Variants in LANCL2 observed in about 807,000 individuals in gnomAD.
The protein encoded by LANCL2 is LanC like glutathione S-transferase 2.
LANCL2 carries 33 observed loss-of-function variants against 56.9 expected under a neutral mutation model. The ratio of observed to expected loss-of-function variants is 0.58; its 90% CI spans 0.44 to 0.78. The LOEUF (loss-of-function observed/expected upper bound fraction) is 0.78, where lower values mean the gene tolerates loss of function less well. Ranked by LOEUF, LANCL2 falls within the 30% of genes least tolerant of loss-of-function variation. LANCL2 has a pLI of 0.00. For synonymous variants in LANCL2, 233 were observed against 228.2 expected, an observed-to-expected ratio of 1.02 and a Z score of -0.19; for missense variants, 562 against 580.2, an observed-to-expected ratio of 0.97 and a Z score of 0.32.
At chr7:55,419,883 G>A (rs1398605945) in intron 6 of LANCL2, among the ~76,000 whole-genome samples, 1 of 151,924 alleles carries the variant, frequency 6.6e-6, no homozygotes, top group Non-Finnish European at 1.5e-5. Flanking sequence ...TCTGGGCCCA[G>A]TGGCTCACTT....
At chr7:55,379,243 T>C (rs1790038184) in intron 1 of LANCL2, among the ~76,000 whole-genome samples, 1 of 152,244 alleles carries the variant, frequency 6.6e-6, no homozygotes, top group Non-Finnish European at 1.5e-5. Context: ...ATGATAGAGC[T>C]AAGACGGCAT....
chr7:55,399,157 C>T (rs1790290654), intron 3 of LANCL2, among the ~76,000 whole-genome samples: 1 of 151,940 alleles, frequency 6.6e-6, no homozygotes, highest in Non-Finnish European at 1.5e-5. Context: ...CTTGTAGTTC[C>T]ATTAACTTGG....
chr7:55,381,739 C>CATGG (rs1790071556), intron 1 of LANCL2, among the ~76,000 whole-genome samples: 1 of 152,218 alleles, frequency 6.6e-6, no homozygotes, highest in South Asian at 2.1e-4. Flanking sequence ...TTCATATATA[C>CATGG]ATGGGACGTA....
intron 6 of LANCL2, among the ~76,000 whole-genome samples, chr7:55,419,844 C>A (rs1790589915): frequency 6.6e-6 from 1 of 151,958 alleles, no homozygotes; most frequent in Admixed American, 6.6e-5. Context: ...GATTTTTCTT[C>A]TTTTCTTTTT....
intron 1 of LANCL2, among the ~76,000 whole-genome samples, chr7:55,377,033 C>T (rs937232088): frequency 1.3e-5 from 2 of 152,096 alleles, no homozygotes; most frequent in African/African-American, 2.4e-5. Context: ...ATTATGTTTG[C>T]TACGCTTCAT....
chr7:55,427,309 G>C (rs917482213), intron 7 of LANCL2, among the ~76,000 whole-genome samples: 1 of 152,164 alleles, frequency 6.6e-6, no homozygotes, highest in African/African-American at 2.4e-5. Flanking sequence ...TAATCAGCTA[G>C]CACTGGATAC....
chr7:55,403,294 C>G (rs1204460659), intron 5 of LANCL2, among the ~76,000 whole-genome samples: 12 of 152,236 alleles, frequency 7.9e-5, no homozygotes. Flanking sequence ...AATACGAAAA[C>G]CAGTCAGGCA....
chr7:55,373,167 G>A (rs1045031677), intron 1 of LANCL2, among the ~76,000 whole-genome samples: 2 of 151,890 alleles, frequency 1.3e-5, no homozygotes, highest in African/African-American at 4.8e-5. Flanking sequence ...ATTACCAAGG[G>A]CTTACTATAA....
In LANCL2 at chr7:55,391,796, A is replaced by G. The variant is rs1346904403; in HGVS notation, c.208A>G (p.Ile70Val). ...TATCTCTTCTTTTGGATCTCAGATC[A>G]TTCATAATTTCATAAGACGGATCCA... ...GLPFHQDGKI[I>V]HNFIRRIQTK... Residue 70 changes from isoleucine to valine, a missense_variant, in exon 2 of 9, where the codon ATT becomes GTT. Physicochemically the swap from Ile to Val is conservative, Grantham distance 29. Coordinates refer to ENST00000254770, the MANE Select transcript of LANCL2 (RefSeq NM_018697.4). 4 of 1,545,730 alleles carry G rather than the reference A, an allele frequency of 2.6e-6. No homozygotes were observed. The highest frequency in any genetic ancestry group is 4.5e-5 in the East Asian group (2 of 44,478).
intron 6 of LANCL2, among the ~76,000 whole-genome samples, chr7:55,416,986 T>TTTTTG (rs1343238720): frequency 1.3e-4 from 19 of 141,182 alleles, no homozygotes; most frequent in South Asian, 2.4e-4. Flanking sequence ...TTTTTTTTTT[T>TTTTTG]TTTTTTTTTT....
Position 55,431,238 on chromosome 7 carries a change from C to T in LANCL2, c.1271C>T (p.Ala424Val), listed in dbSNP as rs1349105640. The T allele has an allele frequency of 3.1e-6, 5 of 1,613,142 alleles. No individual in the cohort carries two copies. The highest frequency in any genetic ancestry group is 4.2e-6 in the Non-Finnish European group (5 of 1,179,578). Reference sequence around the variant, plus strand: ...TTTTACATTGCAGGCATGGCTGGCGCTATTCACTTTCTCTCTGATGTCCTG... The same window carrying T: ...TTTTACATTGCAGGCATGGCTGGCGTTATTCACTTTCTCTCTGATGTCCTG... ...PYSLFEGMAG[A>V]IHFLSDVLGP... The change falls in exon 9 of 9, where the codon GCT (alanine) becomes GTT (valine). Residue 424 changes from alanine to valine, a missense_variant. Transcript: ENST00000254770.
chr7:55,399,366 G>A (rs1790294241), intron 3 of LANCL2, among the ~76,000 whole-genome samples: 1 of 134,644 alleles, frequency 7.4e-6, no homozygotes, highest in African/African-American at 2.7e-5. Context: ...TTTCTGAGAT[G>A]GAATTTCGCT....
intron 7 of LANCL2, 56 bp from the exon 8 acceptor site, chr7:55,428,319 T>C: frequency 6.8e-7 from 1 of 1,460,840 alleles, no homozygotes. Context: ...TTCTCATTTA[T>C]TGCCTTTTCA....
chr7:55,399,070 C>G (rs909663547), intron 3 of LANCL2, among the ~76,000 whole-genome samples: 1 of 152,066 alleles, frequency 6.6e-6, no homozygotes, highest in Non-Finnish European at 1.5e-5. Context: ...TTCCTAGGGT[C>G]TGGTAGAGTA....
chr7:55,417,060 A>T (rs1229334724), intron 6 of LANCL2, among the ~76,000 whole-genome samples: 1 of 147,042 alleles, frequency 6.8e-6, no homozygotes, highest in East Asian at 2.0e-4. Flanking sequence ...GCTCACTACA[A>T]GCTCCGCCTC....
intron 1 of LANCL2, among the ~76,000 whole-genome samples, chr7:55,376,017 C>T (rs979888376): frequency 1.5e-4 from 23 of 152,190 alleles, no homozygotes; most frequent in Non-Finnish European, 2.9e-4. Context: ...TTTATGGGCT[C>T]ATGGGATTAG....
At chr7:55,384,054 C>G (rs1790098438) in intron 1 of LANCL2, among the ~76,000 whole-genome samples, 1 of 149,652 alleles carries the variant, frequency 6.7e-6, no homozygotes, top group African/African-American at 2.5e-5. Context: ...GAAAATAGAT[C>G]AATAGAAATT....
At chr7:55,390,699 T>G (rs999087697) in intron 1 of LANCL2, among the ~76,000 whole-genome samples, 26 of 151,698 alleles carry the variant, frequency 1.7e-4, no homozygotes, top group Non-Finnish European at 3.2e-4. Flanking sequence ...AAGAATCTCT[T>G]GAACCCAGGA....
chr7:55,409,131 C>A lies in LANCL2; in HGVS notation c.826-2776C>A, dbSNP rs1227106447. On this transcript the variant is annotated intron_variant, in intron 5 of 8. Transcript: ENST00000254770. ...TGAGACGGAGTCTTGCTCTGTTGCCCAGGCTGGAGTGCACTGGCGCGAACT... is the reference window on the plus strand; with the variant it reads ...TGAGACGGAGTCTTGCTCTGTTGCCAAGGCTGGAGTGCACTGGCGCGAACT... Among the ~76,000 whole-genome samples, 3 of 150,158 alleles carry A rather than the reference C, an allele frequency of 2.0e-5. 1 individual carries two copies. In the East Asian group the frequency reaches 5.9e-4, roughly 30 times the overall value.
Sources: allele counts gnomAD v4.1 joint callset (sites outside exome capture counted in the v4.1 genomes callset), GRCh38; gene constraint gnomAD v4.1.1; transcripts MANE v1.5; gene names NCBI Gene and HGNC (gene_info 2026-07-23, HGNC 2026-07-21).